RFFL: variants seen among roughly 807,000 people sequenced by gnomAD.
RFFL encodes the protein ring finger and FYVE like domain containing E3 ubiquitin protein ligase.
In RFFL, 16 loss-of-function variants were observed where a neutral mutation model predicts 40.4. The ratio of observed to expected loss-of-function variants is 0.40; its 90% CI spans 0.27 to 0.60. RFFL has a LOEUF of 0.60. RFFL is among the 20% of genes least tolerant of loss of function. The pLI is 0.47. For synonymous variants in RFFL, 154 were observed against 167.9 expected (o/e 0.92, Z 0.64); for missense variants, 367 against 451.7 (o/e 0.81, Z 1.70).
chr17:35,059,138 C>T (rs530210781), intron 1 of RFFL, among the ~76,000 whole-genome samples: 29 of 151,764 alleles, frequency 1.9e-4, no homozygotes, highest in African/African-American at 6.5e-4. Flanking sequence ...CCTGCCTCGG[C>T]CTCCCAAGTA....
chr17:35,040,841 CTT>C (rs869061281), intron 1 of RFFL, among the ~76,000 whole-genome samples: 1,177 of 62,340 alleles, frequency 0.019, 14 homozygotes, highest in African/African-American at 0.061. Flanking sequence ...GCTTTAATGT[CTT>C]TTTTTTTTTT....
intron 1 of RFFL, among the ~76,000 whole-genome samples, chr17:35,040,839 GTCTTT>G (rs2091159705): frequency 1.0e-5 from 1 of 98,998 alleles, no homozygotes; most frequent in African/African-American, 4.2e-5. Flanking sequence ...CAGCTTTAAT[GTCTTT>G]TTTTTTTTTT....
intron 1 of RFFL, among the ~76,000 whole-genome samples, chr17:35,071,074 T>C (rs1487979369): frequency 2.0e-5 from 3 of 151,558 alleles, no homozygotes; most frequent in Non-Finnish European, 4.4e-5. Flanking sequence ...GGCACATGCC[T>C]GTAGTCCCAG....
At chr17:35,078,583 T>C (rs2091388640) in intron 1 of RFFL, among the ~76,000 whole-genome samples, 1 of 152,254 alleles carries the variant, frequency 6.6e-6, no homozygotes, top group Non-Finnish European at 1.5e-5. Flanking sequence ...ATTACAGGCA[T>C]GAGCCACCAG....
intron 1 of RFFL, 60 bp from the exon 2 acceptor site, chr17:35,026,621 T>A: frequency 1.4e-6 from 2 of 1,405,820 alleles, no homozygotes; most frequent in South Asian, 1.2e-5. Flanking sequence ...ACTGTCCTTT[T>A]GATGTCCGAG....
chr17:35,018,966 C>G (rs2090991396), intron 3 of RFFL: 1 of 152,234 alleles, frequency 6.6e-6, no homozygotes, highest in African/African-American at 2.4e-5. Context: ...AGTTTGCCCA[C>G]TGGCTAAATA....
intron 2 of RFFL, among the ~76,000 whole-genome samples, chr17:35,022,158 G>A (rs764779519): frequency 5.9e-5 from 9 of 152,202 alleles, no homozygotes; most frequent in Non-Finnish European, 1.0e-4. Context: ...CCTTGGGTGT[G>A]TAATTTAGCC....
chr17:35,058,727 C>T (rs28612333), intron 1 of RFFL, among the ~76,000 whole-genome samples: 5 of 152,132 alleles, frequency 3.3e-5, no homozygotes, highest in Admixed American at 6.5e-5. Flanking sequence ...GCCGAGATTG[C>T]GCCACTGCAC....
rs2091009800 is a variant in RFFL, at chr17:35,021,677, G to A, written c.285C>T (p.Ala95=). The A allele has an allele frequency of 6.2e-7, 1 of 1,614,120 alleles. No homozygotes were observed. The highest frequency in any genetic ancestry group is 1.1e-5 in the South Asian group (1 of 91,092). The change falls in exon 3 of 7, where the codon GCC becomes GCT. Residue 95 remains alanine, a synonymous_variant. Coordinates refer to ENST00000394597, the MANE Select transcript of RFFL (RefSeq NM_001017368.2). ...CLLCQRFRAT[A]FQREELMKMK... ...TCTTCATGAGCTCCTCTCGCTGAAAGGCTGTAGCTCGAAACCGTTGGCAGA... is the reference window on the plus strand; with the variant it reads ...TCTTCATGAGCTCCTCTCGCTGAAAAGCTGTAGCTCGAAACCGTTGGCAGA...
chr17:35,050,216 A>T (rs1042651683), intron 1 of RFFL, among the ~76,000 whole-genome samples: 5 of 152,130 alleles, frequency 3.3e-5, no homozygotes, highest in Non-Finnish European at 7.4e-5. Context: ...ACTGCACTCC[A>T]GCCTGGGTGA....
Position 35,014,766 on chromosome 17 carries a change from G to A in RFFL, c.887-3C>T, listed in dbSNP as rs2090963119. ...GTTTTGGTCTTCGGCACCACTGACT[G>A]AAAAGGAAAGAGAAGGATGTCTGAA... On this transcript the variant is annotated splice_polypyrimidine_tract_variant and splice_region_variant and intron_variant, in intron 5 of 6. Transcript: ENST00000394597. 1 of 1,613,262 alleles carries A rather than the reference G, an allele frequency of 6.2e-7. No individual in the cohort carries two copies. The highest frequency in any genetic ancestry group is 1.7e-5 in the Admixed American group (1 of 60,028).
intron 5 of RFFL, among the ~76,000 whole-genome samples, chr17:35,015,681 A>G (rs1427372663): frequency 6.6e-6 from 1 of 152,234 alleles, no homozygotes; most frequent in Non-Finnish European, 1.5e-5. Context: ...TCAACTGGGG[A>G]TGGGAGGAAA....
rs36055947 is a variant in RFFL, at chr17:35,063,455, CAAAAAAAAAAAAAAAAA to C, written c.-9+104_-9+120del. On this transcript the variant is annotated intron_variant, in intron 1 of 6. Transcript: ENST00000394597. ...GGGCAACAAGAGTGAAACTCCGTCT[CAAAAAAAAAAAAAAAAA>C]AAAAAAAAAAAAAAACCTGACTCAC... The C allele has an allele frequency of 1.7e-4, 8 of 46,904 alleles. 1 individual carries two copies. The South Asian group carries it at 3.2e-3, about 19-fold the overall frequency. 2.9% of individuals were successfully genotyped at this position (46,904 alleles called of 1,614,324 possible).
intron 1 of RFFL, among the ~76,000 whole-genome samples, chr17:35,052,378 C>T (rs1286072286): frequency 6.6e-6 from 1 of 152,154 alleles, no homozygotes; most frequent in Admixed American, 6.5e-5. Flanking sequence ...AATTCCTATG[C>T]TGCTCATCTG....
chr17:35,039,440 G>T (rs928336424), intron 1 of RFFL, among the ~76,000 whole-genome samples: 9 of 151,600 alleles, frequency 5.9e-5, no homozygotes, highest in African/African-American at 2.2e-4. Flanking sequence ...GGATGGTCTT[G>T]ATCTCCTAAC....
rs930546168 is a variant in RFFL, at chr17:35,009,378, T to C, written c.*2590A>G. The C allele has an allele frequency of 1.3e-5, 2 of 152,188 alleles. No homozygotes were observed. Among genetic ancestry groups the C allele is most frequent in the African/African-American group, 4.8e-5 (2 of 41,436 alleles). 9.4% of individuals were successfully genotyped at this position (152,188 alleles called of 1,614,324 possible). A position where few individuals can be genotyped will look rare whatever the true frequency, so the allele number is the denominator to read the frequency against. On this transcript the variant is annotated 3_prime_UTR_variant, in exon 7 of 7. Coordinates refer to ENST00000394597, the MANE Select transcript of RFFL (RefSeq NM_001017368.2). ...TCAGCTATCTGTCTTTTGAAACAAGTCTTAACTGAAATCTCAGAGTAATCA... is the reference window on the plus strand; with the variant it reads ...TCAGCTATCTGTCTTTTGAAACAAGCCTTAACTGAAATCTCAGAGTAATCA...
Position 35,084,823 on chromosome 17 carries a change from G to A in RFFL, c.-9+4282C>T, listed in dbSNP as rs558821844. On this transcript the variant is annotated intron_variant, in intron 1 of 6. Coordinates refer to the RFFL transcript ENST00000315249. Reference sequence around the variant, plus strand: ...AGGCAGAAGAATTGCTTGAACCCAGGAGACAGAGGTTGCAGTGAACCGAGA... The same window carrying A: ...AGGCAGAAGAATTGCTTGAACCCAGAAGACAGAGGTTGCAGTGAACCGAGA... 2.6e-5 allele frequency among the ~76,000 whole-genome samples: 4 copies of A among 151,632 alleles called. No homozygotes were observed. In the South Asian group the frequency reaches 8.4e-4, roughly 32 times the overall value.
intron 1 of RFFL, among the ~76,000 whole-genome samples, chr17:35,028,817 C>A (rs1175589928): frequency 2.0e-5 from 3 of 151,820 alleles, no homozygotes; most frequent in Non-Finnish European, 4.4e-5. Flanking sequence ...AACCTCAGGC[C>A]TCTTCACTTC....
chr17:35,046,995 G>A (rs1168126267), intron 1 of RFFL, among the ~76,000 whole-genome samples: 1 of 152,204 alleles, frequency 6.6e-6, no homozygotes. Flanking sequence ...AAATGGACCT[G>A]CAGTTTAATT....
Sources: allele counts gnomAD v4.1 joint callset (sites outside exome capture counted in the v4.1 genomes callset), GRCh38; gene constraint gnomAD v4.1.1; transcripts MANE v1.5; gene names NCBI Gene and HGNC (gene_info 2026-07-23, HGNC 2026-07-21).